Variants in STMN4 observed in about 807,000 individuals in gnomAD.
The protein encoded by STMN4 is stathmin 4.
Under a neutral mutation model 29.1 loss-of-function variants are expected in STMN4, and 12 were observed. That is an observed-to-expected ratio of 0.41 (90% CI 0.26 to 0.67). The LOEUF is 0.67. Ranked by LOEUF, STMN4 falls within the 30% of genes least tolerant of loss-of-function variation. The probability of loss-of-function intolerance (pLI) is 0.30; values close to 1 mark genes in which losing one functional copy is unlikely to be tolerated. For missense variants in STMN4, 181 were observed against 262.8 expected, an observed-to-expected ratio of 0.69 and a Z score of 2.15; for synonymous variants, 114 against 105.3, an observed-to-expected ratio of 1.08 and a Z score of -0.51.
chr8:27,241,387 G>A, intron 4 of STMN4, 125 bp from the exon 5 acceptor site: 10 of 1,147,252 alleles, frequency 8.7e-6, no homozygotes, highest in Non-Finnish European at 1.3e-5. Flanking sequence ...CTGGGGTCTG[G>A]CTTAGTCCTA....
In STMN4 at chr8:27,255,740, A is replaced by G. The variant is rs78207535; in HGVS notation, c.-79+2611T>C. ...CAGCCCACATCCCCCTACAGGAAAA[A>G]TGTGGTTAAAAATGGCCTAGTCCAG... On this transcript the variant is annotated intron_variant, in intron 1 of 6. Coordinates refer to ENST00000350889, the MANE Select transcript of STMN4 (RefSeq NM_030795.4). 3.9e-4 allele frequency among the ~76,000 whole-genome samples: 59 copies of G among 151,166 alleles called. No homozygotes were observed. The East Asian group carries it at 6.6e-3, about 17-fold the overall frequency.
chr8:27,250,367 A>G (rs1020019167), intron 1 of STMN4, among the ~76,000 whole-genome samples: 1 of 152,190 alleles, frequency 6.6e-6, no homozygotes, highest in Non-Finnish European at 1.5e-5. Flanking sequence ...TACAATATTT[A>G]CTGAGTATTT....
rs1268745324 is a variant in STMN4 at position 27,240,979 on chromosome 8, G to A, written c.399+75C>T. ...TTGGTGATGAGCTTATCCCAGCTCA[G>A]GTCCACCACCTGTCTTCTCCACCTC... On this transcript the variant is annotated intron_variant, in intron 5 of 6. Transcript: ENST00000350889. 9 of 1,461,798 alleles carry A rather than the reference G, an allele frequency of 6.2e-6. No homozygotes were observed. In the African/African-American group the frequency reaches 1.1e-4, roughly 18 times the overall value. The allele number at this position is 1,461,798 out of a possible 1,614,324, so 90.6% of individuals were successfully genotyped here.
Position 27,242,557 on chromosome 8 carries a change from G to A in STMN4, c.14-65C>T, listed in dbSNP as rs183794044. 5.9e-5 allele frequency: 91 copies of A among 1,537,684 alleles called. No individual in the cohort carries two copies. In the Admixed American group the frequency reaches 1.5e-3, roughly 26 times the overall value. ...TAGCCTCAGAAGTCAGCGTCCTCAC[G>A]GGTCTGGGGCTCTGAGCAGCCCAGG... On this transcript the variant is annotated intron_variant, in intron 2 of 6. Transcript: ENST00000350889.
chr8:27,248,747 G>C (rs1801701581), intron 1 of STMN4, among the ~76,000 whole-genome samples: 1 of 152,200 alleles, frequency 6.6e-6, no homozygotes, highest in Non-Finnish European at 1.5e-5. Flanking sequence ...GCAGAGCTGG[G>C]ATTTGAGTCC....
At chr8:27,246,861 G>A (rs1801637972) in intron 1 of STMN4, among the ~76,000 whole-genome samples, 1 of 152,172 alleles carries the variant, frequency 6.6e-6, no homozygotes, top group African/African-American at 2.4e-5. Flanking sequence ...TAGCCCCGGG[G>A]AAACTAATGT....
At chr8:27,253,055 C>A (rs555197453) in intron 1 of STMN4, among the ~76,000 whole-genome samples, 125 of 152,332 alleles carry the variant, frequency 8.2e-4, no homozygotes, top group African/African-American at 2.7e-3. Flanking sequence ...AGGTCAAGCT[C>A]TCTGCCCATT....
At chr8:27,239,860 T>G in intron 6 of STMN4, 111 bp downstream of exon 6, 2 of 1,575,316 alleles carry the variant, frequency 1.3e-6, no homozygotes, top group Non-Finnish European at 1.7e-6. Context: ...AGATCCTGAT[T>G]TTTGCCTGAG....
Position 27,235,543 on chromosome 8 carries a change from C to T in STMN4, c.*1303G>A, listed in dbSNP as rs1272916373. 6.6e-6 allele frequency: 1 copy of T among 152,200 alleles called. No homozygotes were observed. The highest frequency in any genetic ancestry group is 6.5e-5 in the Admixed American group (1 of 15,282). The allele number at this position is 152,200 out of a possible 1,614,324, so 9.4% of individuals were successfully genotyped here. On this transcript the variant is annotated 3_prime_UTR_variant, in exon 7 of 7. Coordinates refer to ENST00000350889, the MANE Select transcript of STMN4 (RefSeq NM_030795.4). ...CTCCTTTGCCTTCTACTAGCAAACA[C>T]TTTATTTCCTTGCTCGTATTTTCTA...
chr8:27,243,567 C>A, intron 2 of STMN4, 144 bp downstream of exon 2: 1 of 839,860 alleles, frequency 1.2e-6, no homozygotes, highest in Non-Finnish European at 2.0e-6. Flanking sequence ...CTGCATGCCC[C>A]CAAGCCTCCC....
chr8:27,243,478 C>G (rs1801534484), intron 2 of STMN4, among the ~76,000 whole-genome samples: 1 of 152,028 alleles, frequency 6.6e-6, no homozygotes, highest in Non-Finnish European at 1.5e-5. Context: ...GGAAGAAAAT[C>G]TCAGCTGTGA....
At chr8:27,253,132 G>A (rs1801840575) in intron 1 of STMN4, among the ~76,000 whole-genome samples, 3 of 152,196 alleles carry the variant, frequency 2.0e-5, no homozygotes, top group Admixed American at 6.5e-5. Flanking sequence ...TCTTTTCAGA[G>A]GAGGAGACAA....
intron 1 of STMN4, among the ~76,000 whole-genome samples, chr8:27,253,440 T>C (rs1360611672): frequency 6.6e-6 from 1 of 152,200 alleles, no homozygotes; most frequent in Non-Finnish European, 1.5e-5. Flanking sequence ...ACAAACCTGG[T>C]TTTGTCAGAA....
At chr8:27,255,662 T>A (rs1161618662) in intron 1 of STMN4, among the ~76,000 whole-genome samples, 1 of 152,172 alleles carries the variant, frequency 6.6e-6, no homozygotes, top group African/African-American at 2.4e-5. Context: ...AATACCCTAT[T>A]CTCTGAACCT....
At chr8:27,242,556 C>A (rs1398719180) in intron 2 of STMN4, 64 bp from the exon 3 acceptor site, 3 of 1,545,060 alleles carry the variant, frequency 1.9e-6, no homozygotes, top group African/African-American at 1.4e-5. Context: ...AGCGTCCTCA[C>A]GGGTCTGGGG....
At position 27,236,729 on chromosome 8, in the gene STMN4, C is replaced by A. The variant is rs773847801; in HGVS notation, c.*117G>T. 2 of 898,524 alleles carry A rather than the reference C, an allele frequency of 2.2e-6. No homozygotes were observed. The highest frequency in any genetic ancestry group is 3.2e-6 in the Non-Finnish European group (2 of 624,370). 55.7% of individuals were successfully genotyped at this position (898,524 alleles called of 1,614,324 possible). On this transcript the variant is annotated 3_prime_UTR_variant, in exon 7 of 7. Coordinates refer to ENST00000350889, the MANE Select transcript of STMN4 (RefSeq NM_030795.4). ...CAAAAGCAGAGGAAACGCCCCTTGG[C>A]CACCCCCCTCCCCCCAAACCCCAGT... is the stretch of plus-strand genomic sequence containing the variant.
intron 1 of STMN4, among the ~76,000 whole-genome samples, chr8:27,250,098 A>C (rs1395905525): frequency 6.6e-6 from 1 of 152,232 alleles, no homozygotes; most frequent in Non-Finnish European, 1.5e-5. Flanking sequence ...CAGTACAGGA[A>C]GGTGGTTCTT....
At chr8:27,244,059 G>C (rs1004843306) in intron 1 of STMN4, among the ~76,000 whole-genome samples, 1 of 152,174 alleles carries the variant, frequency 6.6e-6, no homozygotes, top group African/African-American at 2.4e-5. Flanking sequence ...GCACATGCAA[G>C]CGTGGGTTTC....
rs558949793 is a variant in STMN4, at chr8:27,246,734, C to T, written c.-78-2933G>A. 1.6e-4 allele frequency among the ~76,000 whole-genome samples: 25 copies of T among 152,196 alleles called. 1 individual carries two copies. Among genetic ancestry groups the T allele is most frequent in the African/African-American group, 1.7e-4 (7 of 41,522 alleles). On this transcript the variant is annotated intron_variant, in intron 1 of 6. Transcript: ENST00000350889. ...CCACAAGCCAAGGAACCTTTGGGGC[C>T]GCCAGAACCTGCAAGAGACAAGGAC...
Sources: gnomAD v4.1 joint callset for allele counts (sites outside exome capture counted in the v4.1 genomes callset) on GRCh38, gnomAD v4.1.1 for gene constraint, MANE v1.5 for transcripts, NCBI Gene and HGNC (gene_info 2026-07-23, HGNC 2026-07-21) for gene names.